The following SOHLH2 variants were observed in gnomAD, a reference collection of about 807,000 sequenced individuals.
SOHLH2 encodes spermatogenesis- and oogenesis-specific basic helix-loop-helix-containing protein 2.
In SOHLH2, 22 loss-of-function variants were observed where a neutral mutation model predicts 50.4. That is an observed-to-expected ratio of 0.44 (90% CI 0.31 to 0.62). SOHLH2 has a LOEUF of 0.62. SOHLH2 is among the 20% of genes least tolerant of loss of function. The pLI is 0.08. For missense variants in SOHLH2, 412 were observed against 504.4 expected, an observed-to-expected ratio of 0.82 and a Z score of 1.76; for synonymous variants, 185 against 187.3, an observed-to-expected ratio of 0.99 and a Z score of 0.10.
At chr13:36,170,055 T>C (rs1886920301) in intron 10 of SOHLH2, among the ~76,000 whole-genome samples, 1 of 152,190 alleles carries the variant, frequency 6.6e-6, no homozygotes, top group Admixed American at 6.5e-5. Context: ...GCTCAGTAAA[T>C]ATCTGCTGTA....
intron 6 of SOHLH2, among the ~76,000 whole-genome samples, chr13:36,177,566 T>C (rs892752981): frequency 2.6e-5 from 4 of 152,148 alleles, no homozygotes; most frequent in Non-Finnish European, 5.9e-5. Flanking sequence ...TTTGATGATA[T>C]TTAATATCAT....
At chr13:36,181,911 T>A (rs1465381787) in intron 6 of SOHLH2, 1 of 590,054 alleles carries the variant, frequency 1.7e-6, no homozygotes, top group African/African-American at 2.0e-5. Flanking sequence ...TGTCTTTATC[T>A]TACATGAAGA....
chr13:36,197,249 C>A (rs1887760501), intron 2 of SOHLH2, among the ~76,000 whole-genome samples: 1 of 152,184 alleles, frequency 6.6e-6, no homozygotes, highest in African/African-American at 2.4e-5. Context: ...CCTGAGGCTA[C>A]ACCTCACTTT....
At chr13:36,173,001 TATTTCAGGTACACGGGC>T (rs138970720) in intron 9 of SOHLH2, among the ~76,000 whole-genome samples, 19,314 of 152,202 alleles carry the variant, frequency 0.13, 1,607 homozygotes, top group Non-Finnish European at 0.19. Context: ...TCCATCTTGT[TATTTCAGGTACACGGGC>T]ATGTCTAGGC....
chr13:36,191,556 C>G (rs576243701), intron 5 of SOHLH2, among the ~76,000 whole-genome samples: 4 of 152,290 alleles, frequency 2.6e-5, no homozygotes, highest in Admixed American at 6.5e-5. Context: ...TAATACTGAT[C>G]ATATTCCCCA....
chr13:36,173,972 C>A (rs565611469), intron 8 of SOHLH2, among the ~76,000 whole-genome samples, 162 bp from the exon 9 acceptor site: 413 of 152,324 alleles, frequency 2.7e-3, no homozygotes, highest in Non-Finnish European at 3.7e-3. Context: ...CACGATAATT[C>A]CTTAGGATGT....
At chr13:36,186,936 G>A (rs1887437074) in intron 6 of SOHLH2, among the ~76,000 whole-genome samples, 1 of 152,050 alleles carries the variant, frequency 6.6e-6, no homozygotes, top group Non-Finnish European at 1.5e-5. Context: ...AGAGGAGGAG[G>A]AAGAAAGGAA....
At chr13:36,212,642 G>C (rs766560855) in intron 1 of SOHLH2, among the ~76,000 whole-genome samples, 21 of 152,136 alleles carry the variant, frequency 1.4e-4, no homozygotes, top group Non-Finnish European at 2.5e-4. Context: ...ATCTTTTTCT[G>C]TTTGAATTGC....
intron 1 of SOHLH2, among the ~76,000 whole-genome samples, chr13:36,203,552 C>T (rs1398734130): frequency 6.6e-6 from 1 of 152,064 alleles, no homozygotes. Flanking sequence ...CATATATCCT[C>T]GAATCCAAAC....
rs1886890677 is a variant in SOHLH2, at chr13:36,168,966, C to T, written c.*68G>A. ...GGAGCTTTCAAAATCATTCTTTGTT[C>T]CACTTTTCCTAGATTGTCAAACTGC... On this transcript the variant is annotated 3_prime_UTR_variant, in exon 11 of 11. Transcript: ENST00000379881. 2 of 1,563,962 alleles carry T rather than the reference C, an allele frequency of 1.3e-6. No homozygotes were observed. Among genetic ancestry groups the T allele is most frequent in the East Asian group, 4.7e-5 (2 of 42,546 alleles).
chr13:36,207,272 C>T (rs994836343), intron 1 of SOHLH2, among the ~76,000 whole-genome samples: 1 of 151,838 alleles, frequency 6.6e-6, no homozygotes, highest in African/African-American at 2.4e-5. Context: ...TGACCTTATT[C>T]CCTTTCATTT....
intron 6 of SOHLH2, among the ~76,000 whole-genome samples, chr13:36,175,606 T>A (rs1318784891): frequency 6.6e-6 from 1 of 152,232 alleles, no homozygotes; most frequent in Non-Finnish European, 1.5e-5. Flanking sequence ...TGTTTTGTGC[T>A]GAATACTACC....
At chr13:36,191,975 C>T in intron 4 of SOHLH2, 81 bp from the exon 5 acceptor site, 1 of 1,427,970 alleles carries the variant, frequency 7.0e-7, no homozygotes, top group Non-Finnish European at 9.7e-7. Flanking sequence ...AGCCCCAATC[C>T]TTAATGCAGT....
Position 36,168,969 on chromosome 13 carries a change from CT to C in SOHLH2, c.*64del. 1 of 1,567,838 alleles carries C rather than the reference CT, an allele frequency of 6.4e-7. No individual in the cohort carries two copies. Among genetic ancestry groups the C allele is most frequent in the Non-Finnish European group, 8.6e-7 (1 of 1,161,568 alleles). ...GCTTTCAAAATCATTCTTTGTTCCA[CT>C]TTTCCTAGATTGTCAAACTGCGCCC... On this transcript the variant is annotated 3_prime_UTR_variant, in exon 11 of 11. Coordinates refer to ENST00000379881, the MANE Select transcript of SOHLH2 (RefSeq NM_017826.3).
chr13:36,184,460 CT>C (rs1229884029), intron 6 of SOHLH2, among the ~76,000 whole-genome samples: 2,873 of 120,974 alleles, frequency 0.024, 102 homozygotes, highest in East Asian at 0.052. Context: ...CTACAAAGAC[CT>C]TTTTTTTTTT....
chr13:36,190,051 T>C lies in SOHLH2; in HGVS notation c.536A>G (p.Glu179Gly). The C allele has an allele frequency of 6.3e-7, 1 of 1,598,672 alleles. No individual in the cohort carries two copies. Among genetic ancestry groups the C allele is most frequent in the Non-Finnish European group, 8.5e-7 (1 of 1,173,164 alleles). Residue 179 changes from glutamate to glycine, a missense_variant, in exon 6 of 11, where the codon GAA becomes GGA. Transcript: ENST00000379881. ...YFPTDLFACS[E>G]SLRNGNGLEL... ...AAGCCCATTGCCATTCCTTAAAGAT[T>C]CAGAGCTAGAAACAAGAGAAAATCA...
intron 4 of SOHLH2, 133 bp downstream of exon 4, chr13:36,193,484 GTAGT>G: frequency 9.7e-7 from 1 of 1,032,806 alleles, no homozygotes; most frequent in Non-Finnish European, 1.3e-6. Context: ...CTCTGAAGAT[GTAGT>G]TTTTTTCTTT....
intron 1 of SOHLH2, among the ~76,000 whole-genome samples, chr13:36,211,765 T>C (rs1475046304): frequency 1.3e-5 from 2 of 152,208 alleles, no homozygotes; most frequent in African/African-American, 2.4e-5. Flanking sequence ...GCCCTGCAGG[T>C]GGTAGTTATT....
At chr13:36,211,952 T>C (rs1869151130) in intron 1 of SOHLH2, among the ~76,000 whole-genome samples, 1 of 152,182 alleles carries the variant, frequency 6.6e-6, no homozygotes, top group Admixed American at 6.5e-5. Flanking sequence ...TTTAAAATAA[T>C]AGAAATCAAC....
Sources: gnomAD v4.1 joint callset for allele counts (sites outside exome capture counted in the v4.1 genomes callset) on GRCh38, gnomAD v4.1.1 for gene constraint, MANE v1.5 for transcripts, NCBI Gene and HGNC (gene_info 2026-07-23, HGNC 2026-07-21) for gene names.